The following ZC2HC1A variants were observed in gnomAD, a reference collection of about 807,000 sequenced individuals.
ZC2HC1A encodes zinc finger C2HC domain-containing protein 1A.
ZC2HC1A carries 28 observed loss-of-function variants against 40.7 expected under a neutral mutation model. The ratio of observed to expected loss-of-function variants is 0.69; its 90% CI spans 0.51 to 0.94. The LOEUF is 0.94. ZC2HC1A is among the 40% of genes least tolerant of loss of function. The pLI is 0.00. For missense variants in ZC2HC1A, 389 were observed against 386.3 expected (o/e 1.01, Z -0.06); for synonymous variants, 129 against 129.2 (o/e 1.00, Z 0.01).
At chr8:78,710,283 A>T (rs889871454) in intron 7 of ZC2HC1A, among the ~76,000 whole-genome samples, 1 of 152,120 alleles carries the variant, frequency 6.6e-6, no homozygotes, top group Non-Finnish European at 1.5e-5. Context: ...TGAGTTTTGA[A>T]TGTACATATA....
chr8:78,693,793 A>G (rs1347394505), intron 5 of ZC2HC1A, among the ~76,000 whole-genome samples: 1 of 152,198 alleles, frequency 6.6e-6, no homozygotes, highest in Non-Finnish European at 1.5e-5. Flanking sequence ...TGTTTTAGAC[A>G]TGAAGTCCTT....
At chr8:78,689,171 T>A in intron 4 of ZC2HC1A, 51 bp from the exon 5 acceptor site, 1 of 1,311,870 alleles carries the variant, frequency 7.6e-7, no homozygotes, top group Non-Finnish European at 1.0e-6. Context: ...TTTTTTAATG[T>A]CCGTTTCAAG....
At chr8:78,674,992 A>G (rs888353870) in intron 1 of ZC2HC1A, among the ~76,000 whole-genome samples, 1 of 152,050 alleles carries the variant, frequency 6.6e-6, no homozygotes, top group Non-Finnish European at 1.5e-5. Flanking sequence ...AAACAAGTTT[A>G]TGTTTGATAT....
intron 6 of ZC2HC1A, 151 bp from the exon 7 acceptor site, chr8:78,698,263 C>T: frequency 5.1e-6 from 3 of 592,256 alleles, no homozygotes; most frequent in East Asian, 3.1e-5. Flanking sequence ...ATATGTCGTC[C>T]TCTGGAAATG....
At chr8:78,696,334 C>T (rs1001013368) in intron 5 of ZC2HC1A, among the ~76,000 whole-genome samples, 9 of 152,016 alleles carry the variant, frequency 5.9e-5, no homozygotes, top group African/African-American at 1.7e-4. Flanking sequence ...GTGCCCAGCC[C>T]GTTAAAACCA....
intron 2 of ZC2HC1A, among the ~76,000 whole-genome samples, 155 bp from the exon 3 acceptor site, chr8:78,678,408 G>T (rs926169612): frequency 3.9e-5 from 6 of 152,010 alleles, no homozygotes; most frequent in African/African-American, 1.5e-4. Context: ...CTTAACATTT[G>T]GTTAAGGCAA....
chr8:78,696,909 C>T (rs1810436820), intron 5 of ZC2HC1A, among the ~76,000 whole-genome samples: 1 of 152,126 alleles, frequency 6.6e-6, no homozygotes, highest in Non-Finnish European at 1.5e-5. Flanking sequence ...AGTTTTTCTA[C>T]TAATGTTTGT....
At chr8:78,676,776 A>G (rs1213408186) in intron 2 of ZC2HC1A, among the ~76,000 whole-genome samples, 1 of 151,782 alleles carries the variant, frequency 6.6e-6, no homozygotes, top group African/African-American at 2.4e-5. Context: ...TTTTCTTATC[A>G]ATTTATTATT....
At chr8:78,685,252 GC>G (rs5892661) in intron 3 of ZC2HC1A, among the ~76,000 whole-genome samples, 104,135 of 151,890 alleles carry the variant, frequency 0.69, 36,536 homozygotes, top group East Asian at 0.91. Flanking sequence ...CAACTGCATA[GC>G]CATGTTAAAA....
chr8:78,710,243 C>T (rs1361723417), intron 7 of ZC2HC1A, among the ~76,000 whole-genome samples: 1 of 152,024 alleles, frequency 6.6e-6, no homozygotes, highest in Non-Finnish European at 1.5e-5. Context: ...CTAAAAATAG[C>T]ATTCATTAAC....
intron 4 of ZC2HC1A, among the ~76,000 whole-genome samples, chr8:78,687,541 T>C (rs953047315): frequency 1.7e-3 from 247 of 143,710 alleles, no homozygotes; most frequent in Non-Finnish European, 2.9e-3. Context: ...TATATTTATA[T>C]AATAAATTTT....
At position 78,666,126 on chromosome 8, in the gene ZC2HC1A, G is replaced by A. The variant is rs561607547; in HGVS notation, c.-23G>A. 16 of 1,565,060 alleles carry A rather than the reference G, an allele frequency of 1.0e-5. No individual in the cohort carries two copies. The South Asian group carries it at 1.6e-4, about 16-fold the overall frequency. ...TGGCGGGCGCTGCTGAAGGAGTCTC[G>A]CTGAGCTCGAGGAGGTGGCGCGATG... On this transcript the variant is annotated 5_prime_UTR_variant, in exon 1 of 9. Coordinates refer to ENST00000263849, the MANE Select transcript of ZC2HC1A (RefSeq NM_016010.3).
At chr8:78,701,211 C>G in intron 7 of ZC2HC1A, among the ~76,000 whole-genome samples, 1 of 152,078 alleles carries the variant, frequency 6.6e-6, no homozygotes. Flanking sequence ...CTTTCACCTC[C>G]CCAGTTACCT....
chr8:78,690,813 G>C (rs188118863), intron 5 of ZC2HC1A, among the ~76,000 whole-genome samples: 17 of 152,182 alleles, frequency 1.1e-4, no homozygotes, highest in Non-Finnish European at 2.4e-4. Context: ...CACATGTTTT[G>C]TTAGATTTTC....
chr8:78,715,962 C>T (rs1231312350), intron 8 of ZC2HC1A, among the ~76,000 whole-genome samples: 1 of 149,392 alleles, frequency 6.7e-6, no homozygotes, highest in Non-Finnish European at 1.5e-5. Flanking sequence ...ATTGCTTGAA[C>T]CTGGGAGGCA....
chr8:78,700,297 C>T (rs1810558121), intron 7 of ZC2HC1A, among the ~76,000 whole-genome samples: 2 of 152,070 alleles, frequency 1.3e-5, no homozygotes, highest in South Asian at 4.2e-4. Context: ...GTCTGTTGTC[C>T]ACTTTTTAAT....
chr8:78,684,945 G>A (rs1809916411), intron 3 of ZC2HC1A, among the ~76,000 whole-genome samples: 1 of 152,096 alleles, frequency 6.6e-6, no homozygotes, highest in South Asian at 2.1e-4. Flanking sequence ...GTTTATAAAT[G>A]TGATTCTTAA....
chr8:78,694,600 A>T (rs1048610212), intron 5 of ZC2HC1A, among the ~76,000 whole-genome samples: 5 of 152,120 alleles, frequency 3.3e-5, no homozygotes, highest in South Asian at 4.1e-4. Context: ...CTCTCATTTG[A>T]CATTCAGTGC....
chr8:78,678,016 C>T (rs148209223), intron 2 of ZC2HC1A, among the ~76,000 whole-genome samples: 105 of 152,156 alleles, frequency 6.9e-4, no homozygotes, highest in African/African-American at 2.3e-3. Flanking sequence ...ACTGTCATGG[C>T]GCTGGTGGGA....
Sources: gnomAD v4.1 joint callset for allele counts (sites outside exome capture counted in the v4.1 genomes callset) on GRCh38, gnomAD v4.1.1 for gene constraint, MANE v1.5 for transcripts, NCBI Gene and HGNC (gene_info 2026-07-23, HGNC 2026-07-21) for gene names.